The following CDH23 variants were observed in gnomAD, a reference collection of about 807,000 sequenced individuals.
CDH23 encodes cadherin-23.
A neutral mutation model predicts 317.1 loss-of-function variants in CDH23; 189 were observed. The observed-to-expected ratio is 0.60, with a 90% CI of 0.53 to 0.67. The LOEUF (loss-of-function observed/expected upper bound fraction) is 0.67. Ranked by LOEUF, CDH23 falls within the 30% of genes least tolerant of loss-of-function variation. The pLI, the probability that CDH23 is intolerant of heterozygous loss-of-function variation, is 0.00. For synonymous variants in CDH23, 1,839 were observed against 1,876.8 expected (o/e 0.98, Z 0.52); for missense variants, 4,401 against 4,592.4 (o/e 0.96, Z 1.20).
chr10:71,471,600 C>A lies in CDH23; in HGVS notation c.145+25205C>A, dbSNP rs149291602. On this transcript the variant is annotated intron_variant, in intron 3 of 69. Transcript: ENST00000224721. ...CTCCAGTTGCGTGGACCCAGCTGAG[C>A]CCTGGAAGCTGCACCAGGAGGGCCA... Among the ~76,000 whole-genome samples the A allele has an allele frequency of 4.4e-3, 663 of 152,228 alleles. 5 individuals are homozygous for A. The highest frequency in any genetic ancestry group is 0.015 in the African/African-American group (611 of 41,510).
chr10:71,686,189 T>C (rs1295605605), intron 18 of CDH23, among the ~76,000 whole-genome samples: 1 of 152,054 alleles, frequency 6.6e-6, no homozygotes, highest in Non-Finnish European at 1.5e-5. Context: ...CGGGGAAATA[T>C]CACCGCTAAT....
chr10:71,746,248 GCTCC>G (rs1467500115), intron 38 of CDH23, among the ~76,000 whole-genome samples: 1 of 152,170 alleles, frequency 6.6e-6, no homozygotes, highest in Non-Finnish European at 1.5e-5. Flanking sequence ...GAAAGATGTG[GCTCC>G]CTAAGCAGGG....
intron 9 of CDH23, among the ~76,000 whole-genome samples, chr10:71,610,068 G>A (rs1412899203): frequency 2.0e-5 from 3 of 151,970 alleles, no homozygotes; most frequent in Admixed American, 6.6e-5. Context: ...TCAGTGGCAT[G>A]ATCTTGGCTC....
At chr10:71,524,447 G>A (rs564110199) in intron 6 of CDH23, among the ~76,000 whole-genome samples, 31 of 152,342 alleles carry the variant, frequency 2.0e-4, no homozygotes, top group African/African-American at 7.5e-4. Context: ...TGGGAGAAGG[G>A]CTGAGTCTGG....
intron 30 of CDH23, among the ~76,000 whole-genome samples, chr10:71,728,241 A>G (rs1466569660): frequency 6.6e-6 from 1 of 152,114 alleles, no homozygotes; most frequent in Non-Finnish European, 1.5e-5. Context: ...TTCTGGGTGA[A>G]GCCAAATTTA....
rs1866776191 is a variant in CDH23 at position 71,725,594 on chromosome 10, T to C, written c.3579+74T>C. ...CCACAGCTAGAACAGAGAAGGCCAT[T>C]AGTTGGCGCCTGGTGTGGGCAGGGC... On this transcript the variant is annotated intron_variant, in intron 30 of 69. Coordinates refer to ENST00000224721, the MANE Select transcript of CDH23 (RefSeq NM_022124.6). 2.0e-6 allele frequency: 3 copies of C among 1,510,682 alleles called. No homozygotes were observed. The South Asian group carries it at 3.7e-5, about 19-fold the overall frequency. The allele number at this position is 1,510,682 out of a possible 1,614,324, so 93.6% of individuals were successfully genotyped here.
intron 6 of CDH23, among the ~76,000 whole-genome samples, chr10:71,522,006 C>T (rs952705512): frequency 6.6e-6 from 1 of 152,144 alleles, no homozygotes; most frequent in Non-Finnish European, 1.5e-5. Flanking sequence ...CTCAGCTGCT[C>T]CTCTGTAAAT....
At chr10:71,579,394 C>G (rs1858468510) in intron 9 of CDH23, among the ~76,000 whole-genome samples, 1 of 152,134 alleles carries the variant, frequency 6.6e-6, no homozygotes, top group Admixed American at 6.5e-5. Flanking sequence ...ACCCCCTCCC[C>G]CATTTCATTA....
intron 49 of CDH23, among the ~76,000 whole-genome samples, chr10:71,797,681 G>A (rs928298254): frequency 1.3e-5 from 2 of 152,192 alleles, no homozygotes; most frequent in Non-Finnish European, 1.5e-5. Flanking sequence ...CACTGCTTTG[G>A]GGGTGCAGGC....
At chr10:71,484,556 C>T (rs547390360) in intron 3 of CDH23, among the ~76,000 whole-genome samples, 5 of 152,286 alleles carry the variant, frequency 3.3e-5, no homozygotes, top group African/African-American at 9.6e-5. Flanking sequence ...CTCTTTCAGC[C>T]GCGTGCAGGA....
At chr10:71,577,876 G>C (rs1167250167) in intron 8 of CDH23, 38 bp from the exon 9 acceptor site, 3 of 1,523,862 alleles carry the variant, frequency 2.0e-6, no homozygotes, top group South Asian at 2.4e-5. Flanking sequence ...ACAGCAGCCA[G>C]GGGACCCAAA....
intron 6 of CDH23, among the ~76,000 whole-genome samples, chr10:71,532,358 C>T (rs1855422384): frequency 6.6e-6 from 1 of 152,244 alleles, no homozygotes; most frequent in South Asian, 2.1e-4. Context: ...TGCAACCGAG[C>T]AGCTGGGCTC....
intron 11 of CDH23, among the ~76,000 whole-genome samples, chr10:71,643,372 T>C (rs1862659131): frequency 6.6e-6 from 1 of 152,204 alleles, no homozygotes; most frequent in Non-Finnish European, 1.5e-5. Flanking sequence ...GCCATGTCTC[T>C]GCTCATCATG....
rs553570939 is a variant in CDH23 at position 71,461,506 on chromosome 10, G to A, written c.145+15111G>A. On this transcript the variant is annotated intron_variant, in intron 3 of 69. Transcript: ENST00000224721. ...GGGACAGCAGGGGCCTCCCCACAGC[G>A]GGAGTCTGGAGAACAGCGCCAGGGT... is the stretch of plus-strand genomic sequence containing the variant. Among the ~76,000 whole-genome samples, 38 of 152,364 alleles carry A rather than the reference G, an allele frequency of 2.5e-4. No homozygotes were observed. The East Asian group carries it at 6.9e-3, about 28-fold the overall frequency.
rs1177473712 is a variant in CDH23, at chr10:71,741,932, G to A, written c.4845+11G>A. 6.4e-7 allele frequency: 1 copy of A among 1,569,698 alleles called. No homozygotes were observed. The highest frequency in any genetic ancestry group is 8.6e-7 in the Non-Finnish European group (1 of 1,156,076). ...ACCCCAACCCTGTCGGTGAGCGATG[G>A]GGGTGGCCACAGGGAGGAGCGGGTG... is the stretch of plus-strand genomic sequence containing the variant. On this transcript the variant is annotated intron_variant, in intron 38 of 69. Coordinates refer to ENST00000224721, the MANE Select transcript of CDH23 (RefSeq NM_022124.6).
intron 9 of CDH23, among the ~76,000 whole-genome samples, chr10:71,580,696 A>G (rs1396989625): frequency 6.6e-6 from 1 of 152,204 alleles, no homozygotes; most frequent in Non-Finnish European, 1.5e-5. Flanking sequence ...GGGTGGCCTT[A>G]GAACTTCCTT....
Position 71,793,305 on chromosome 10 carries a change from G to A in CDH23, c.6377G>A (p.Arg2126His), listed in dbSNP as rs201942629. Reference sequence around the variant, plus strand: ...ATTCATCTGGTCACCGGGGTCATCCGTGTTGGTAATGCCACCATCGACAGA... The same window carrying A: ...ATTCATCTGGTCACCGGGGTCATCCATGTTGGTAATGCCACCATCGACAGA... ...FLIHLVTGVI[R>H]VGNATIDREE... The change falls in exon 48 of 70, where the codon CGT (arginine) becomes CAT (histidine). Residue 2126 changes from arginine to histidine, a missense_variant. Transcript: ENST00000224721. The A allele has an allele frequency of 6.7e-5, 108 of 1,614,004 alleles. 1 individual carries two copies. Among genetic ancestry groups the A allele is most frequent in the African/African-American group, 5.5e-4 (41 of 75,034 alleles).
intron 9 of CDH23, among the ~76,000 whole-genome samples, chr10:71,609,708 A>G (rs181289355): frequency 1.3e-3 from 191 of 152,194 alleles, no homozygotes; most frequent in Non-Finnish European, 2.2e-3. Context: ...TACTCGTCCA[A>G]TTATACATGT....
intron 9 of CDH23, 128 bp downstream of exon 9, chr10:71,578,120 G>A: frequency 2.3e-6 from 2 of 862,998 alleles, no homozygotes. Context: ...TAGGAGACCT[G>A]ACTACAGGGA....
Sources: gnomAD v4.1 joint callset for allele counts (sites outside exome capture counted in the v4.1 genomes callset) on GRCh38, gnomAD v4.1.1 for gene constraint, MANE v1.5 for transcripts, NCBI Gene and HGNC (gene_info 2026-07-23, HGNC 2026-07-21) for gene names.